The following GLIS3 variants were observed in gnomAD, a reference collection of about 807,000 sequenced individuals.
GLIS3 encodes the protein GLIS family zinc finger 3, also known as zinc finger protein GLIS3.
A neutral mutation model predicts 78.6 loss-of-function variants in GLIS3; 53 were observed. The ratio of observed to expected loss-of-function variants is 0.67; its 90% CI spans 0.54 to 0.85. The LOEUF (loss-of-function observed/expected upper bound fraction) is 0.85, where lower values mean the gene tolerates loss of function less well. Among genes scored for constraint, GLIS3 ranks in the 40% least tolerant of loss-of-function variants. The probability of loss-of-function intolerance (pLI) is 0.00; values close to 1 mark genes in which losing one functional copy is unlikely to be tolerated. For missense variants in GLIS3, 1,703 were observed against 1,231.1 expected (o/e 1.38, Z -5.74); for synonymous variants, 684 against 509.9 (o/e 1.34, Z -4.60).
the GLIS3 span, among the ~76,000 whole-genome samples, chr9:4,423,662 C>A: frequency 6.6e-6 from 1 of 152,146 alleles, no homozygotes; most frequent in Non-Finnish European, 1.5e-5. Flanking sequence ...ACGTTCAGCC[C>A]AATGCCCTAT....
chr9:4,272,477 T>C (rs1426319628), intron 2 of GLIS3, among the ~76,000 whole-genome samples: 5 of 152,296 alleles, frequency 3.3e-5, no homozygotes, highest in African/African-American at 1.2e-4. Context: ...ACCCACCTCC[T>C]GCCGGGTGTG....
At chr9:4,058,936 T>A (rs1826383432) in intron 4 of GLIS3, among the ~76,000 whole-genome samples, 1 of 150,184 alleles carries the variant, frequency 6.7e-6, no homozygotes, top group South Asian at 2.1e-4. Context: ...GAGCCAAGAT[T>A]GCGCCACTGC....
chr9:3,913,031 G>A (rs908453804), intron 6 of GLIS3, among the ~76,000 whole-genome samples: 3 of 152,090 alleles, frequency 2.0e-5, no homozygotes, highest in African/African-American at 7.2e-5. Flanking sequence ...AAAGCAGCCA[G>A]CTATCTAGTA....
At chr9:4,071,309 C>T (rs1225652074) in intron 4 of GLIS3, 1 of 150,968 alleles carries the variant, frequency 6.6e-6, no homozygotes, top group Non-Finnish European at 1.5e-5. Context: ...TAATCAAAAC[C>T]TTGCAGTCTC....
chr9:4,092,605 G>T (rs1207046251), intron 4 of GLIS3, among the ~76,000 whole-genome samples: 2 of 152,020 alleles, frequency 1.3e-5, no homozygotes, highest in Admixed American at 1.3e-4. Context: ...GGCCTACACA[G>T]GGTCATGATC....
the GLIS3 span, among the ~76,000 whole-genome samples, chr9:4,405,591 C>G: frequency 2.0e-5 from 3 of 152,026 alleles, no homozygotes; most frequent in Non-Finnish European, 4.4e-5. Context: ...TAAAAAGTCT[C>G]CTAGTAAAGA....
At chr9:4,058,025 T>C (rs1354223810) in intron 4 of GLIS3, among the ~76,000 whole-genome samples, 1 of 152,206 alleles carries the variant, frequency 6.6e-6, no homozygotes. Context: ...ACCTGGTCTT[T>C]TGAATGAGTG....
chr9:4,485,066 G>A, the GLIS3 span, among the ~76,000 whole-genome samples: 1 of 151,956 alleles, frequency 6.6e-6, no homozygotes, highest in Non-Finnish European at 1.5e-5. Flanking sequence ...CCAGGCTGGA[G>A]TGCAGTGGAG....
At chr9:4,157,537 A>G (rs191115490) in intron 2 of GLIS3, among the ~76,000 whole-genome samples, 4 of 152,308 alleles carry the variant, frequency 2.6e-5, no homozygotes, top group Non-Finnish European at 2.9e-5. Flanking sequence ...CTATCATTCA[A>G]TGAAAGAGCA....
At chr9:3,981,021 C>G (rs1275317086) in intron 4 of GLIS3, among the ~76,000 whole-genome samples, 1 of 152,170 alleles carries the variant, frequency 6.6e-6, no homozygotes, top group Admixed American at 6.5e-5. Flanking sequence ...TGTTGCAGGG[C>G]TGGACGAACT....
intron 2 of GLIS3, among the ~76,000 whole-genome samples, chr9:4,130,871 C>G (rs1396835966): frequency 2.0e-5 from 3 of 152,168 alleles, no homozygotes; most frequent in African/African-American, 4.8e-5. Flanking sequence ...CAGCTTGCAC[C>G]CTGCACCTGG....
chr9:4,354,524 C>CGGTA, the GLIS3 span, among the ~76,000 whole-genome samples: 17 of 152,316 alleles, frequency 1.1e-4, no homozygotes, highest in African/African-American at 4.1e-4. Context: ...TAACTGCTTA[C>CGGTA]CCTCCAGAAT....
At chr9:4,485,678 A>G in the GLIS3 span, among the ~76,000 whole-genome samples, 2 of 150,126 alleles carry the variant, frequency 1.3e-5, no homozygotes, top group African/African-American at 4.9e-5. Flanking sequence ...CCATCAGGGG[A>G]TTGCACTACC....
At chr9:4,253,153 C>A (rs576317737) in intron 2 of GLIS3, among the ~76,000 whole-genome samples, 1 of 152,240 alleles carries the variant, frequency 6.6e-6, no homozygotes, top group Non-Finnish European at 1.5e-5. Context: ...GCTGGGAGAT[C>A]CGCTGCTCTC....
chr9:4,381,580 G>A, the GLIS3 span, among the ~76,000 whole-genome samples: 1 of 152,188 alleles, frequency 6.6e-6, no homozygotes, highest in Non-Finnish European at 1.5e-5. Flanking sequence ...CGCACATTTT[G>A]GTACTAATAT....
At chr9:4,306,215 G>GA (rs1817224107) in intron 4 of GLIS3, among the ~76,000 whole-genome samples, 1 of 152,080 alleles carries the variant, frequency 6.6e-6, no homozygotes. Context: ...AAGGAGCTGG[G>GA]ACTACAGGTG....
the GLIS3 span, among the ~76,000 whole-genome samples, chr9:4,365,921 C>G: frequency 6.6e-6 from 1 of 152,216 alleles, no homozygotes; most frequent in Non-Finnish European, 1.5e-5. Flanking sequence ...TTCATGTATT[C>G]ACACTCTAGA....
intron 2 of GLIS3, among the ~76,000 whole-genome samples, chr9:4,132,503 G>A (rs1193028871): frequency 6.6e-6 from 1 of 152,082 alleles, no homozygotes; most frequent in Non-Finnish European, 1.5e-5. Context: ...GATACAGGGG[G>A]AACAAGAATG....
rs1823182693 is a variant in GLIS3 at position 3,900,173 on chromosome 9, G to A, written c.1984-1338C>T. ...GAGACGTTGGATAAAGCCTTGACTT[G>A]AACAGAAACTGTTAAAAAAAAAAAA... On this transcript the variant is annotated intron_variant, in intron 6 of 10. Transcript: ENST00000381971. Among the ~76,000 whole-genome samples the A allele has an allele frequency of 2.2e-5, 3 of 139,224 alleles. No individual in the cohort carries two copies. The Admixed American group carries it at 2.2e-4, about 10-fold the overall frequency. The allele number at this position is 139,224 out of a possible 152,430, so 91.3% of individuals were successfully genotyped here. A position where few individuals can be genotyped will look rare whatever the true frequency, so the allele number is the denominator to read the frequency against.
Sources: gnomAD v4.1 joint callset for allele counts (sites outside exome capture counted in the v4.1 genomes callset) on GRCh38, gnomAD v4.1.1 for gene constraint, MANE v1.5 for transcripts, NCBI Gene and HGNC (gene_info 2026-07-23, HGNC 2026-07-21) for gene names.